Variants in SMC5 observed in about 807,000 individuals in gnomAD.
SMC5 encodes the protein structural maintenance of chromosomes protein 5.
SMC5 carries 88 observed loss-of-function variants against 148.3 expected under a neutral mutation model. That is an observed-to-expected ratio of 0.59 (90% confidence interval 0.50 to 0.71). The LOEUF (loss-of-function observed/expected upper bound fraction) is 0.71. Ranked by LOEUF, SMC5 falls within the 30% of genes least tolerant of loss-of-function variation. The pLI, the probability that SMC5 is intolerant of heterozygous loss-of-function variation, is 0.00. For missense variants in SMC5, 1,142 were observed against 1,298.9 expected, an observed-to-expected ratio of 0.88 and a Z score of 1.86; for synonymous variants, 421 against 432.8, an observed-to-expected ratio of 0.97 and a Z score of 0.34.
At chr9:70,288,859 TTG>T (rs2034979704) in intron 8 of SMC5, among the ~76,000 whole-genome samples, 1 of 152,160 alleles carries the variant, frequency 6.6e-6, no homozygotes, top group African/African-American at 2.4e-5. Context: ...TTGGCTTTTA[TTG>T]TGTGTTTGAT....
At position 70,354,062 on chromosome 9, in the gene SMC5, C is replaced by T. The variant is rs1271774021; in HGVS notation, c.*1731C>T. ...TACATAGGCCAACAACTGTTCCATA[C>T]TTTGTTTGTAAACATTTAATTTCTC... On this transcript the variant is annotated 3_prime_UTR_variant, in exon 25 of 25. Coordinates refer to ENST00000361138, the MANE Select transcript of SMC5 (RefSeq NM_015110.4). 6.6e-6 allele frequency: 1 copy of T among 152,194 alleles called. No homozygotes were observed. The highest frequency in any genetic ancestry group is 1.5e-5 in the Non-Finnish European group (1 of 68,036). The allele number at this position is 152,194 out of a possible 1,614,324, so 9.4% of individuals were successfully genotyped here.
chr9:70,292,680 T>G (rs2035094470), intron 8 of SMC5, among the ~76,000 whole-genome samples: 1 of 152,178 alleles, frequency 6.6e-6, no homozygotes, highest in South Asian at 2.1e-4. Context: ...GAAATTCTTA[T>G]ATGTATTCCT....
At chr9:70,330,428 T>C (rs1006045423) in intron 17 of SMC5, among the ~76,000 whole-genome samples, 4 of 152,120 alleles carry the variant, frequency 2.6e-5, no homozygotes, top group Non-Finnish European at 4.4e-5. Context: ...GGAAGAAATA[T>C]GTTAAATAAC....
At chr9:70,314,454 T>G (rs958348719) in intron 11 of SMC5, among the ~76,000 whole-genome samples, 1 of 152,146 alleles carries the variant, frequency 6.6e-6, no homozygotes, top group African/African-American at 2.4e-5. Context: ...CTGCCAATAA[T>G]GTAAGCATAA....
intron 15 of SMC5, among the ~76,000 whole-genome samples, chr9:70,321,118 A>C (rs565736876): frequency 9.2e-5 from 14 of 152,294 alleles, no homozygotes; most frequent in Non-Finnish European, 1.8e-4. Flanking sequence ...GATTATCCAA[A>C]ACAATATGTC....
chr9:70,290,842 G>A (rs549963527), intron 8 of SMC5, among the ~76,000 whole-genome samples: 89 of 152,224 alleles, frequency 5.8e-4, no homozygotes, highest in African/African-American at 2.0e-3. Flanking sequence ...AGTAAGCACC[G>A]CCAGCAAGTA....
intron 8 of SMC5, among the ~76,000 whole-genome samples, chr9:70,289,573 T>A (rs2035004083): frequency 6.6e-6 from 1 of 152,194 alleles, no homozygotes; most frequent in African/African-American, 2.4e-5. Context: ...TTTAAACAGT[T>A]CACATTTACT....
chr9:70,274,306 C>T (rs1012085654), intron 3 of SMC5, among the ~76,000 whole-genome samples: 2 of 152,194 alleles, frequency 1.3e-5, no homozygotes, highest in African/African-American at 2.4e-5. Flanking sequence ...CGGTCTCGAT[C>T]TCCTGACCTC....
intron 11 of SMC5, among the ~76,000 whole-genome samples, chr9:70,306,820 T>C (rs935941280): frequency 2.6e-5 from 4 of 152,230 alleles, no homozygotes; most frequent in African/African-American, 9.6e-5. Flanking sequence ...AACTTTCTCC[T>C]ATATCTGTGA....
intron 2 of SMC5, among the ~76,000 whole-genome samples, chr9:70,267,267 A>G (rs1431953179): frequency 1.3e-5 from 2 of 152,096 alleles, no homozygotes; most frequent in East Asian, 3.9e-4. Context: ...AATATTTATC[A>G]CTTATTTATA....
At chr9:70,309,170 T>C (rs1237724848) in intron 11 of SMC5, among the ~76,000 whole-genome samples, 1 of 152,062 alleles carries the variant, frequency 6.6e-6, no homozygotes, top group Non-Finnish European at 1.5e-5. Context: ...ATCAAGGTGG[T>C]AGTTGCTGAA....
At chr9:70,305,433 A>G (rs2035471671) in intron 11 of SMC5, 73 bp downstream of exon 11, 10 of 870,276 alleles carry the variant, frequency 1.1e-5, no homozygotes, top group Non-Finnish European at 1.7e-5. Context: ...TAAATTCACT[A>G]GAGCAAAATG....
chr9:70,285,994 G>A (rs1020326568), intron 7 of SMC5, among the ~76,000 whole-genome samples: 14 of 152,128 alleles, frequency 9.2e-5, no homozygotes, highest in Admixed American at 2.6e-4. Context: ...ACATGCATGC[G>A]TATTACTGCA....
intron 1 of SMC5, among the ~76,000 whole-genome samples, chr9:70,261,976 T>G (rs1401709529): frequency 1.3e-5 from 2 of 152,210 alleles, no homozygotes; most frequent in Non-Finnish European, 2.9e-5. Flanking sequence ...CAGAAAACTT[T>G]GCAGGCCGGA....
intron 3 of SMC5, among the ~76,000 whole-genome samples, chr9:70,273,258 G>A (rs752414992): frequency 6.7e-6 from 1 of 149,722 alleles, no homozygotes; most frequent in East Asian, 1.9e-4. Flanking sequence ...TATAGTAATC[G>A]GTTGCTTAGA....
In SMC5 at chr9:70,277,492, A is replaced by G. The variant is rs2034623900; in HGVS notation, c.543+20A>G. On this transcript the variant is annotated intron_variant, in intron 4 of 24. Coordinates refer to ENST00000361138, the MANE Select transcript of SMC5 (RefSeq NM_015110.4). ...CCTCAGGTATGAGAGAAATAAATGT[A>G]AAGATGGGAAAATTTTGTATATAGT... The G allele has an allele frequency of 1.3e-6, 2 of 1,554,870 alleles. No homozygotes were observed. Among genetic ancestry groups the G allele is most frequent in the African/African-American group, 2.8e-5 (2 of 71,678 alleles).
intron 17 of SMC5, among the ~76,000 whole-genome samples, chr9:70,330,299 A>G (rs2036186442): frequency 6.6e-6 from 1 of 152,112 alleles, no homozygotes; most frequent in Admixed American, 6.5e-5. Flanking sequence ...ACACACACAT[A>G]CTTCACCCCA....
rs555964351 is a variant in SMC5 at position 70,290,395 on chromosome 9, T to G, written c.1053+4124T>G. 3.3e-5 allele frequency among the ~76,000 whole-genome samples: 5 copies of G among 152,270 alleles called. No homozygotes were observed. In the South Asian group the frequency reaches 1.0e-3, roughly 32 times the overall value. ...GCAGAAAGGGGCTTGTTATGAATAA[T>G]AAAAGACATTCCTGTCACTCAGAAA... On this transcript the variant is annotated intron_variant, in intron 8 of 24. Transcript: ENST00000361138.
chr9:70,306,959 A>G (rs1351386933), intron 11 of SMC5, among the ~76,000 whole-genome samples: 1 of 152,220 alleles, frequency 6.6e-6, no homozygotes. Flanking sequence ...CCATTTCTAC[A>G]TACTATTATG....
Sources: allele counts gnomAD v4.1 joint callset (sites outside exome capture counted in the v4.1 genomes callset), GRCh38; gene constraint gnomAD v4.1.1; transcripts MANE v1.5; gene names NCBI Gene and HGNC (gene_info 2026-07-23, HGNC 2026-07-21).